ATF7: variants seen among roughly 807,000 people sequenced by gnomAD.
ATF7 encodes the protein activating transcription factor 7, also known as cyclic AMP-dependent transcription factor ATF-7.
A neutral mutation model predicts 50.4 loss-of-function variants in ATF7; 10 were observed. That is an observed-to-expected ratio of 0.20 (90% CI 0.12 to 0.34). The LOEUF is 0.34. ATF7 is among the 10% of genes least tolerant of loss of function. ATF7 has a pLI of 1.00. For missense variants in ATF7, 465 were observed against 613.9 expected (o/e 0.76, Z 2.56); for synonymous variants, 201 against 226.4 (o/e 0.89, Z 1.01).
chr12:53,523,334 C>A lies in ATF7; in HGVS notation c.1176G>T (p.Leu392=). ...TGACTGGGCAGTCTTTATGAGCTAA[C>A]AGTAGCTGTTTCAACTGGGCCACCT... The part of the protein sequence containing the change: ...RNEVAQLKQL[L]LAHKDCPVTA... The change falls in exon 11 of 12, where the codon CTG becomes CTT. Residue 392 remains leucine (L), a synonymous_variant. Transcript: ENST00000420353. 1 of 1,614,080 alleles carries A rather than the reference C, an allele frequency of 6.2e-7. No homozygotes were observed. The highest frequency in any genetic ancestry group is 8.5e-7 in the Non-Finnish European group (1 of 1,179,974).
chr12:53,601,271 T>C (rs753483138), intron 1 of ATF7, among the ~76,000 whole-genome samples: 1 of 152,198 alleles, frequency 6.6e-6, no homozygotes, highest in African/African-American at 2.4e-5. Context: ...TTTGCTAGAT[T>C]TTCCCTCTTT....
intron 1 of ATF7, among the ~76,000 whole-genome samples, chr12:53,611,297 C>T (rs749721396): frequency 2.0e-5 from 3 of 152,008 alleles, no homozygotes; most frequent in Non-Finnish European, 4.4e-5. Context: ...GGTGAAACCC[C>T]GTCTCTACCA....
chr12:53,578,061 C>T (rs1243456470), intron 2 of ATF7, among the ~76,000 whole-genome samples: 1 of 152,150 alleles, frequency 6.6e-6, no homozygotes, highest in African/African-American at 2.4e-5. Flanking sequence ...AAAACCCTAT[C>T]AGCCTAGAAT....
chr12:53,601,679 A>G (rs1160758106), intron 1 of ATF7, among the ~76,000 whole-genome samples: 1 of 152,128 alleles, frequency 6.6e-6, no homozygotes, highest in African/African-American at 2.4e-5. Context: ...TTCTGATTCT[A>G]TTTACGGCTA....
At chr12:53,596,442 T>G (rs1389463591) in intron 2 of ATF7, among the ~76,000 whole-genome samples, 2 of 152,292 alleles carry the variant, frequency 1.3e-5, no homozygotes, top group South Asian at 4.1e-4. Flanking sequence ...TTTAAGGAAA[T>G]TGACATTCTG....
At chr12:53,566,744 T>TG (rs897858654) in intron 2 of ATF7, among the ~76,000 whole-genome samples, 8 of 152,156 alleles carry the variant, frequency 5.3e-5, no homozygotes, top group African/African-American at 1.9e-4. Flanking sequence ...GACACAGTTT[T>TG]TTTTTGTTTT....
intron 2 of ATF7, among the ~76,000 whole-genome samples, chr12:53,573,376 T>C (rs927721334): frequency 3.9e-5 from 6 of 152,164 alleles, no homozygotes; most frequent in African/African-American, 1.4e-4. Context: ...TATTTGCATA[T>C]AAAATGTGCA....
chr12:53,588,629 G>C (rs944707523), intron 2 of ATF7, among the ~76,000 whole-genome samples: 6 of 152,172 alleles, frequency 3.9e-5, no homozygotes, highest in Non-Finnish European at 8.8e-5. Context: ...AGAAAATATG[G>C]ATCAGGAAGT....
intron 2 of ATF7, among the ~76,000 whole-genome samples, chr12:53,566,240 T>A (rs1941438629): frequency 6.6e-6 from 1 of 152,128 alleles, no homozygotes; most frequent in African/African-American, 2.4e-5. Flanking sequence ...GAGAAGACTG[T>A]TGTCAATTAA....
chr12:53,620,347 C>T (rs575539050), intron 1 of ATF7, among the ~76,000 whole-genome samples: 9 of 151,732 alleles, frequency 5.9e-5, no homozygotes, highest in East Asian at 3.9e-4. Context: ...GAGGCCGAGG[C>T]GGGCGGATCA....
intron 2 of ATF7, among the ~76,000 whole-genome samples, chr12:53,555,046 G>A (rs1243909363): frequency 3.3e-5 from 5 of 152,204 alleles, no homozygotes; most frequent in African/African-American, 1.2e-4. Flanking sequence ...AAGTGGCCGG[G>A]AGTGGTGGCT....
chr12:53,556,638 C>T (rs1946950428), intron 2 of ATF7, among the ~76,000 whole-genome samples: 1 of 152,164 alleles, frequency 6.6e-6, no homozygotes, highest in African/African-American at 2.4e-5. Context: ...GCTAATCTGG[C>T]TATGTTTTAC....
chr12:53,523,356 ACCT>A lies in ATF7; in HGVS notation c.1151_1153del (p.Glu384del). The stretch of plus-strand genomic sequence containing the variant: ...TAACAGTAGCTGTTTCAACTGGGCC[ACCT>A]CATTGCGTAGTAATGTGACTTCATT... On this transcript the variant is annotated inframe_deletion, in exon 11 of 12. Coordinates refer to ENST00000420353, the MANE Select transcript of ATF7 (RefSeq NM_006856.3). 1 of 1,613,850 alleles carries A rather than the reference ACCT, an allele frequency of 6.2e-7. No homozygotes were observed. The highest frequency in any genetic ancestry group is 1.1e-5 in the South Asian group (1 of 91,082).
chr12:53,610,510 A>G (rs1943817350), intron 1 of ATF7, among the ~76,000 whole-genome samples: 1 of 149,672 alleles, frequency 6.7e-6, no homozygotes, highest in Non-Finnish European at 1.5e-5. Flanking sequence ...GGTTGCAGTG[A>G]GCTGAGATCA....
intron 2 of ATF7, among the ~76,000 whole-genome samples, chr12:53,587,366 C>CAAAAACAAAAAAAAAAAAAAAAAA (rs1942733352): frequency 1.6e-5 from 1 of 62,264 alleles, no homozygotes; most frequent in African/African-American, 5.5e-5. Flanking sequence ...AATTCCGCAT[C>CAAAAACAAAAAAAAAAAAAAAAAA]AAAAAAAAAA....
At chr12:53,526,840 C>A (rs907268131) in intron 9 of ATF7, among the ~76,000 whole-genome samples, 1 of 136,966 alleles carries the variant, frequency 7.3e-6, no homozygotes, top group Non-Finnish European at 1.6e-5. Flanking sequence ...GACAGAGCAA[C>A]ACTCGGTCTC....
intron 2 of ATF7, chr12:53,600,692 G>T: frequency 2.9e-6 from 1 of 343,334 alleles, no homozygotes; most frequent in Non-Finnish European, 5.4e-6. Context: ...GAAAGGAGGA[G>T]ACAGCAACAT....
intron 2 of ATF7, among the ~76,000 whole-genome samples, chr12:53,554,398 T>C (rs1940579385): frequency 6.6e-6 from 1 of 151,694 alleles, no homozygotes; most frequent in Admixed American, 6.6e-5. Flanking sequence ...CCCAAAGTGC[T>C]GGTATTACAG....
Position 53,537,485 on chromosome 12 carries a change from G to C in ATF7, c.332C>G (p.Pro111Arg), listed in dbSNP as rs547054037. ...TPDIKIKEEE[P>R]VEVDSSPPDS... ...AGGTGGGGATGAGTCTACCTCCACT[G>C]GCTCTTCTTCTTTGATTTTGATGTC... Residue 111 changes from proline to arginine, a missense_variant, in exon 5 of 12, where the codon CCA (proline) becomes CGA (arginine). Physicochemically the swap from Pro to Arg is moderately radical, Grantham distance 103. Transcript: ENST00000420353. The C allele has an allele frequency of 6.2e-7, 1 of 1,613,694 alleles. No homozygotes were observed. The highest frequency in any genetic ancestry group is 2.2e-5 in the East Asian group (1 of 44,888).
Sources: gnomAD v4.1 joint callset for allele counts (sites outside exome capture counted in the v4.1 genomes callset) on GRCh38, gnomAD v4.1.1 for gene constraint, MANE v1.5 for transcripts, NCBI Gene and HGNC (gene_info 2026-07-23, HGNC 2026-07-21) for gene names.